TUSC7: variants seen among roughly 807,000 people sequenced by gnomAD.
The protein encoded by TUSC7 is tumor suppressor candidate 7, also known as LSAMP antisense RNA 3.
intron 1 of TUSC7, among the ~76,000 whole-genome samples, chr3:116,710,956 G>T (rs149241002): frequency 1.3e-5 from 2 of 152,102 alleles, no homozygotes; most frequent in Middle Eastern, 3.2e-3. Context: ...GCTTCCCAAG[G>T]TCACATGGCT....
chr3:116,712,911 C>T (rs2051474442), intron 1 of TUSC7: 1 of 152,004 alleles, frequency 6.6e-6, no homozygotes, highest in Non-Finnish European at 1.5e-5. Flanking sequence ...AATATTTGAG[C>T]TGTCTTTTTC....
At chr3:116,715,718 A>G (rs1011755010) in intron 1 of TUSC7, among the ~76,000 whole-genome samples, 1 of 152,100 alleles carries the variant, frequency 6.6e-6, no homozygotes, top group Non-Finnish European at 1.5e-5. Flanking sequence ...ATTTTGATAT[A>G]GTCATTTATC....
intron 1 of TUSC7, among the ~76,000 whole-genome samples, chr3:116,714,341 C>A (rs1355482185): frequency 6.6e-6 from 1 of 152,150 alleles, no homozygotes; most frequent in African/African-American, 2.4e-5. Flanking sequence ...GCATGATGAT[C>A]TTTCTGAAAT....
Position 116,715,347 on chromosome 3 carries a change from C to G in TUSC7, n.99-2414C>G, listed in dbSNP as rs2051496493. Among the ~76,000 whole-genome samples, 3 of 152,238 alleles carry G rather than the reference C, an allele frequency of 2.0e-5. No individual in the cohort carries two copies. In the East Asian group the frequency reaches 5.8e-4, roughly 29 times the overall value. On this transcript the variant is annotated intron_variant and non_coding_transcript_variant, in intron 1 of 2. Coordinates refer to ENST00000477805, the Ensembl canonical transcript of TUSC7. ...ATTCCTTTGGGTACATAGCAAGGAG[C>G]ATAATTGATGGATAGTATGTAAGAT...
At chr3:116,712,882 T>G (rs1343371878) in intron 1 of TUSC7, 1 of 152,184 alleles carries the variant, frequency 6.6e-6, no homozygotes, top group Non-Finnish European at 1.5e-5. Flanking sequence ...AAATAGTATC[T>G]GTTTGTATGT....
At chr3:116,715,358 G>GAT (rs1212871774) in intron 1 of TUSC7, among the ~76,000 whole-genome samples, 1 of 152,098 alleles carries the variant, frequency 6.6e-6, no homozygotes, top group Admixed American at 6.6e-5. Flanking sequence ...ATAATTGATG[G>GAT]ATAGTATGTA....
chr3:116,716,653 C>G (rs2051511183), intron 1 of TUSC7: 1 of 152,194 alleles, frequency 6.6e-6, no homozygotes, highest in Non-Finnish European at 1.5e-5. Flanking sequence ...ATGTGCACGA[C>G]TCAGCAGCCT....
chr3:116,716,945 A>G (rs536568892), intron 1 of TUSC7: 27 of 152,278 alleles, frequency 1.8e-4, no homozygotes, highest in African/African-American at 6.3e-4. Context: ...ATTTAAGTCT[A>G]ATTTATGAAG....
At chr3:116,715,167 A>C (rs897499577) in intron 1 of TUSC7, among the ~76,000 whole-genome samples, 2 of 152,060 alleles carry the variant, frequency 1.3e-5, no homozygotes, top group African/African-American at 2.4e-5. Flanking sequence ...TTGATAGCTC[A>C]TTTCTTTTTA....
intron 1 of TUSC7, among the ~76,000 whole-genome samples, chr3:116,715,156 C>T (rs2051495141): frequency 6.6e-6 from 1 of 152,166 alleles, no homozygotes; most frequent in Non-Finnish European, 1.5e-5. Context: ...ATTTTCATGG[C>T]TTGATAGCTC....
At chr3:116,714,972 C>T (rs990101210) in intron 1 of TUSC7, among the ~76,000 whole-genome samples, 2 of 152,140 alleles carry the variant, frequency 1.3e-5, no homozygotes, top group African/African-American at 4.8e-5. Flanking sequence ...CTTATAAATC[C>T]TCTGTGTTCT....
chr3:116,716,800 G>A (rs1301307998), intron 1 of TUSC7: 1 of 152,166 alleles, frequency 6.6e-6, no homozygotes, highest in South Asian at 2.1e-4. Context: ...ATGAATGCCA[G>A]TGTTCGCCTT....
chr3:116,716,730 T>G (rs1263806490), intron 1 of TUSC7: 2 of 152,190 alleles, frequency 1.3e-5, no homozygotes, highest in African/African-American at 4.8e-5. Context: ...AGTTCCCTCT[T>G]GTAGAGCCAC....
intron 1 of TUSC7, among the ~76,000 whole-genome samples, chr3:116,711,789 G>A (rs2051465638): frequency 6.6e-6 from 1 of 152,126 alleles, no homozygotes; most frequent in Non-Finnish European, 1.5e-5. Flanking sequence ...TTCAGCTTCA[G>A]TCTAATACAC....
At chr3:116,713,042 A>C (rs1276164546) in intron 1 of TUSC7, among the ~76,000 whole-genome samples, 2 of 152,214 alleles carry the variant, frequency 1.3e-5, no homozygotes, top group Non-Finnish European at 2.9e-5. Context: ...ACATAAATAT[A>C]TCTCTAACCC....
chr3:116,717,034 T>A (rs771595499), intron 1 of TUSC7: 1 of 152,168 alleles, frequency 6.6e-6, no homozygotes, highest in Non-Finnish European at 1.5e-5. Context: ...TATTGTGTAC[T>A]CACGAACTAT....
At chr3:116,710,777 T>A (rs571808528) in intron 1 of TUSC7, among the ~76,000 whole-genome samples, 3 of 152,232 alleles carry the variant, frequency 2.0e-5, no homozygotes, top group African/African-American at 7.2e-5. Context: ...TAAAGAGACA[T>A]GATTACCTTT....
intron 1 of TUSC7, among the ~76,000 whole-genome samples, chr3:116,715,983 C>A (rs1332706727): frequency 6.6e-6 from 1 of 152,130 alleles, no homozygotes; most frequent in African/African-American, 2.4e-5. Flanking sequence ...GCCCTTACAA[C>A]AATCCTATTT....
chr3:116,711,092 G>A (rs1355798387), intron 1 of TUSC7, among the ~76,000 whole-genome samples: 4 of 152,072 alleles, frequency 2.6e-5, no homozygotes, highest in Non-Finnish European at 5.9e-5. Context: ...AGGTATCAAG[G>A]GGAAGATATG....
Sources: allele counts gnomAD v4.1 joint callset (sites outside exome capture counted in the v4.1 genomes callset), GRCh38; gene constraint gnomAD v4.1.1; transcripts MANE v1.5; gene names NCBI Gene and HGNC (gene_info 2026-07-23, HGNC 2026-07-21).